WWP1: variants seen among roughly 807,000 people sequenced by gnomAD.
WWP1 encodes the protein WW domain containing E3 ubiquitin protein ligase 1, also known as NEDD4-like E3 ubiquitin-protein ligase WWP1.
Under a neutral mutation model 130.6 loss-of-function variants are expected in WWP1, and 49 were observed. That is an observed-to-expected ratio of 0.38 (90% confidence interval 0.30 to 0.48). The LOEUF is 0.48. WWP1 is among the 20% of genes least tolerant of loss of function. The pLI is 0.99. For synonymous variants in WWP1, 332 were observed against 367.8 expected (o/e 0.90, Z 1.11); for missense variants, 809 against 1,100.6 (o/e 0.74, Z 3.75).
intron 5 of WWP1, among the ~76,000 whole-genome samples, chr8:86,392,443 G>GT (rs1180863332): frequency 6.6e-6 from 1 of 152,100 alleles, no homozygotes; most frequent in African/African-American, 2.4e-5. Context: ...TTAGACTGAG[G>GT]TTTTTTATTT....
At chr8:86,465,259 G>A (rs1304694420) in intron 24 of WWP1, among the ~76,000 whole-genome samples, 6 of 152,054 alleles carry the variant, frequency 3.9e-5, no homozygotes, top group Non-Finnish European at 2.9e-5. Flanking sequence ...ATAGCAACTC[G>A]AAAGCAGCAA....
chr8:86,371,921 A>G (rs2130297860), intron 2 of WWP1, among the ~76,000 whole-genome samples: 1 of 151,500 alleles, frequency 6.6e-6, no homozygotes, highest in African/African-American at 2.4e-5. Context: ...AGCTCACTGC[A>G]GCCTCCACCT....
intron 9 of WWP1, among the ~76,000 whole-genome samples, chr8:86,424,397 C>T (rs939341137): frequency 5.4e-5 from 8 of 149,370 alleles, no homozygotes; most frequent in East Asian, 4.0e-4. Flanking sequence ...ACTTCCCAGA[C>T]GGGGTGGCGG....
chr8:86,385,913 G>A (rs1328567418), intron 5 of WWP1, among the ~76,000 whole-genome samples: 2 of 152,174 alleles, frequency 1.3e-5, no homozygotes, highest in Admixed American at 6.5e-5. Context: ...ACACAGCCAT[G>A]CACATGCTCA....
At chr8:86,357,697 G>T (rs754253704) in intron 1 of WWP1, among the ~76,000 whole-genome samples, 15 of 152,204 alleles carry the variant, frequency 9.9e-5, no homozygotes, top group South Asian at 2.1e-4. Context: ...GATAAAAGTA[G>T]CTATAATTTG....
In WWP1 at chr8:86,380,721, G is replaced by T; in HGVS notation, c.71-5G>T. The T allele has an allele frequency of 6.2e-7, 1 of 1,605,590 alleles. No individual in the cohort carries two copies. The highest frequency in any genetic ancestry group is 8.5e-7 in the Non-Finnish European group (1 of 1,176,980). ...ATACTCACTAGTGAATTATTTGTCT[G>T]TTAGTTTCTAGTGCCAAACTTAAAA... On this transcript the variant is annotated splice_polypyrimidine_tract_variant and splice_region_variant and intron_variant, in intron 3 of 24. Coordinates refer to ENST00000517970, the MANE Select transcript of WWP1 (RefSeq NM_007013.4).
intron 7 of WWP1, among the ~76,000 whole-genome samples, chr8:86,401,095 TGTTA>T (rs1032815827): frequency 3.3e-5 from 5 of 152,066 alleles, no homozygotes; most frequent in Admixed American, 6.6e-5. Context: ...TTGATTTTGT[TGTTA>T]GTTATTTATT....
intron 7 of WWP1, among the ~76,000 whole-genome samples, chr8:86,401,289 A>C (rs1400263796): frequency 6.6e-6 from 1 of 152,118 alleles, no homozygotes; most frequent in East Asian, 1.9e-4. Context: ...GGCCAGGTAC[A>C]ATGGCTCACA....
At chr8:86,451,129 A>G (rs1295724655) in intron 20 of WWP1, among the ~76,000 whole-genome samples, 1 of 145,900 alleles carries the variant, frequency 6.9e-6, no homozygotes, top group East Asian at 2.1e-4. Context: ...CCCAGCCACT[A>G]TGGAGACTGA....
intron 9 of WWP1, among the ~76,000 whole-genome samples, chr8:86,414,002 C>G (rs970066215): frequency 3.3e-5 from 5 of 152,106 alleles, no homozygotes; most frequent in African/African-American, 1.2e-4. Context: ...CTGTTGAGAC[C>G]AGATAAATGC....
chr8:86,346,992 ATATTT>A (rs573444888), intron 1 of WWP1, among the ~76,000 whole-genome samples: 217 of 152,090 alleles, frequency 1.4e-3, no homozygotes, highest in African/African-American at 4.7e-3. Flanking sequence ...TAACTGCTTT[ATATTT>A]TATTTTATTT....
At chr8:86,346,488 C>T (rs960824400) in intron 1 of WWP1, among the ~76,000 whole-genome samples, 3 of 152,188 alleles carry the variant, frequency 2.0e-5, no homozygotes, top group East Asian at 3.9e-4. Context: ...TTTCAGGAAG[C>T]CTTTATCAAA....
At chr8:86,450,143 T>C (rs1811095965) in intron 20 of WWP1, among the ~76,000 whole-genome samples, 1 of 152,210 alleles carries the variant, frequency 6.6e-6, no homozygotes, top group South Asian at 2.1e-4. Context: ...TAAATTGCTA[T>C]GGCCTTTCAA....
chr8:86,361,155 G>A (rs1823571164), intron 1 of WWP1, among the ~76,000 whole-genome samples: 2 of 152,172 alleles, frequency 1.3e-5, no homozygotes, highest in African/African-American at 4.8e-5. Context: ...ATCTAGGTTG[G>A]GAGTGAAGAG....
chr8:86,406,977 A>G (rs1808314721), intron 8 of WWP1, among the ~76,000 whole-genome samples: 1 of 152,200 alleles, frequency 6.6e-6, no homozygotes, highest in Non-Finnish European at 1.5e-5. Context: ...TGGATATACC[A>G]TAAAGTTCAT....
intron 21 of WWP1, among the ~76,000 whole-genome samples, chr8:86,456,291 C>T (rs1404538882): frequency 1.3e-5 from 2 of 151,822 alleles, no homozygotes; most frequent in Non-Finnish European, 3.0e-5. Flanking sequence ...CTAAAAACTG[C>T]TCTTCAAAAG....
At chr8:86,352,370 G>A (rs552560999) in intron 1 of WWP1, among the ~76,000 whole-genome samples, 1 of 152,104 alleles carries the variant, frequency 6.6e-6, no homozygotes, top group South Asian at 2.1e-4. Context: ...GATTACAGGT[G>A]CATGCCACCA....
chr8:86,409,796 G>T (rs1410435750), intron 8 of WWP1, among the ~76,000 whole-genome samples: 2 of 151,914 alleles, frequency 1.3e-5, no homozygotes, highest in Non-Finnish European at 2.9e-5. Flanking sequence ...GGAGGTGGAG[G>T]TTGCAGTGAG....
chr8:86,380,800 G>A lies in WWP1; in HGVS notation c.145G>A (p.Glu49Lys), dbSNP rs1824940583. 4 of 1,613,402 alleles carry A rather than the reference G, an allele frequency of 2.5e-6. No individual in the cohort carries two copies. The East Asian group carries it at 8.9e-5, about 36-fold the overall frequency. ...ATATACAGAAGTAGTTGTAGATGGAGAAATTACGAAAACAGCAAAATCCAG... is the reference window on the plus strand; with the variant it reads ...ATATACAGAAGTAGTTGTAGATGGAAAAATTACGAAAACAGCAAAATCCAG... ...AIYTEVVVDG[E>K]ITKTAKSSSS... Residue 49 changes from glutamate to lysine, a missense_variant, in exon 4 of 25, where the codon GAA becomes AAA. Around this residue, in one of 3 missense-constraint regions of WWP1, gnomAD observed 262 missense variants for 346.0 expected, o/e 0.76. Coordinates refer to ENST00000517970, the MANE Select transcript of WWP1 (RefSeq NM_007013.4).
Sources: allele counts gnomAD v4.1 joint callset (sites outside exome capture counted in the v4.1 genomes callset), GRCh38; gene constraint gnomAD v4.1.1; regional missense constraint gnomAD v4.1.1; transcripts MANE v1.5; gene names NCBI Gene and HGNC (gene_info 2026-07-23, HGNC 2026-07-21).